Variants in GFPT2 observed in about 807,000 individuals in gnomAD.
GFPT2 encodes glutamine--fructose-6-phosphate transaminase 2, also known as glutamine--fructose-6-phosphate aminotransferase [isomerizing] 2.
In GFPT2, 62 loss-of-function variants were observed where a neutral mutation model predicts 85.6. That is an observed-to-expected ratio of 0.72 (90% confidence interval 0.59 to 0.90). The LOEUF (loss-of-function observed/expected upper bound fraction) is 0.90, where lower values mean the gene tolerates loss of function less well. GFPT2 is among the 40% of genes least tolerant of loss of function. The pLI is 0.00. For missense variants in GFPT2, 788 were observed against 893.4 expected (o/e 0.88, Z 1.50); for synonymous variants, 368 against 344.5 (o/e 1.07, Z -0.75).
intron 16 of GFPT2, among the ~76,000 whole-genome samples, chr5:180,305,966 T>C (rs1763768581): frequency 6.9e-6 from 1 of 144,274 alleles, no homozygotes; most frequent in Non-Finnish European, 1.5e-5. Context: ...TTGTCTTTCT[T>C]TTTTTTTTCT....
At chr5:180,305,249 C>T (rs1262763481) in intron 16 of GFPT2, among the ~76,000 whole-genome samples, 2 of 152,148 alleles carry the variant, frequency 1.3e-5, no homozygotes, top group African/African-American at 4.8e-5. Flanking sequence ...ACAAACAAGT[C>T]GGAGTCAGCC....
chr5:180,324,318 G>T lies in GFPT2; in HGVS notation c.677-13C>A. On this transcript the variant is annotated splice_polypyrimidine_tract_variant and intron_variant, in intron 8 of 18. Coordinates refer to ENST00000253778, the MANE Select transcript of GFPT2 (RefSeq NM_005110.4). ...TTCTCCAGAGTGCCTAGCAAATGGA[G>T]GAATGGGTTGCAAATCCCACTGGGA... 1 of 1,401,180 alleles carries T rather than the reference G, an allele frequency of 7.1e-7. No individual in the cohort carries two copies. The highest frequency in any genetic ancestry group is 1.0e-6 in the Non-Finnish European group (1 of 997,298). 86.8% of individuals were successfully genotyped at this position (1,401,180 alleles called of 1,614,324 possible).
chr5:180,342,918 G>GAAGA lies in GFPT2; in HGVS notation c.8-4322_8-4319dup, dbSNP rs1294642349. On this transcript the variant is annotated intron_variant, in intron 1 of 18. Transcript: ENST00000253778. ...CTCCATCTCAAAAAGAAAAAAAAAG[G>GAAGA]AAGAAAGAAAGAAAGAAAAAAACAA... Among the ~76,000 whole-genome samples, 136 of 151,888 alleles carry GAAGA rather than the reference G, an allele frequency of 9.0e-4. 1 individual carries two copies. The highest frequency in any genetic ancestry group is 3.0e-3 in the African/African-American group (126 of 41,430).
At chr5:180,307,063 G>A in intron 16 of GFPT2, 113 bp downstream of exon 16, 1 of 814,176 alleles carries the variant, frequency 1.2e-6, no homozygotes, top group East Asian at 2.7e-5. Context: ...TGGCCAAGGG[G>A]TCCTTAGGCC....
intron 9 of GFPT2, among the ~76,000 whole-genome samples, chr5:180,321,197 A>G (rs1186438815): frequency 1.3e-5 from 2 of 152,238 alleles, no homozygotes; most frequent in African/African-American, 2.4e-5. Context: ...TTTTGTATAA[A>G]AAGTAGAAAC....
chr5:180,330,895 A>G lies in GFPT2; in HGVS notation c.400-61T>C. 6.7e-7 allele frequency: 1 copy of G among 1,486,846 alleles called. No homozygotes were observed. Among genetic ancestry groups the G allele is most frequent in the East Asian group, 2.3e-5 (1 of 43,722 alleles). The allele number at this position is 1,486,846 out of a possible 1,614,324, so 92.1% of individuals were successfully genotyped here. ...TCATTGCACAATGCCTGCCTGGCCA[A>G]CTCCCTCTCCTCCCTGGTGATCTGC... On this transcript the variant is annotated intron_variant, in intron 5 of 18. Coordinates refer to ENST00000253778, the MANE Select transcript of GFPT2 (RefSeq NM_005110.4). The surrounding 1 kb of genome is among the most constrained non-coding windows in gnomAD (Gnocchi z 4.4).
At chr5:180,302,639 T>C in intron 17 of GFPT2, 55 bp from the exon 18 acceptor site, 1 of 1,384,542 alleles carries the variant, frequency 7.2e-7, no homozygotes, top group South Asian at 1.2e-5. Context: ...AAGCTATCCC[T>C]GATGCATACA....
At chr5:180,340,203 T>C (rs980866589) in intron 1 of GFPT2, among the ~76,000 whole-genome samples, 8 of 151,632 alleles carry the variant, frequency 5.3e-5, no homozygotes, top group African/African-American at 1.7e-4. Context: ...TTTGTTTTTG[T>C]TTTTGTTGTT....
At chr5:180,336,087 G>T in intron 3 of GFPT2, 134 bp from the exon 4 acceptor site, 2 of 799,394 alleles carry the variant, frequency 2.5e-6, no homozygotes, top group Non-Finnish European at 2.0e-6. Flanking sequence ...CCCACCCTGG[G>T]AGTCCGCGCA....
At chr5:180,316,270 AATG>A in intron 13 of GFPT2, 68 bp downstream of exon 13, 1 of 1,525,404 alleles carries the variant, frequency 6.6e-7, no homozygotes. Flanking sequence ...GACTTAACTG[AATG>A]AAGGAGAAGA....
At position 180,328,714 on chromosome 5, in the gene GFPT2, T is replaced by C. The variant is rs1764254532; in HGVS notation, c.535-376A>G. On this transcript the variant is annotated intron_variant, in intron 6 of 18. Coordinates refer to ENST00000253778, the MANE Select transcript of GFPT2 (RefSeq NM_005110.4). The surrounding 1 kb of genome is among the most constrained non-coding windows in gnomAD (Gnocchi z 5.4). ...ACCTACTCAGCAAGCCCCTGTGAAG[T>C]GCACTTTAGCTCAACACACGGTAGG... is the stretch of plus-strand genomic sequence containing the variant. Among the ~76,000 whole-genome samples, 2 of 152,188 alleles carry C rather than the reference T, an allele frequency of 1.3e-5. No individual in the cohort carries two copies. The highest frequency in any genetic ancestry group is 1.3e-4 in the Admixed American group (2 of 15,286).
chr5:180,316,911 A>G (rs1764020745), intron 11 of GFPT2, 50 bp from the exon 12 acceptor site: 4 of 1,562,310 alleles, frequency 2.6e-6, no homozygotes, highest in Non-Finnish European at 3.5e-6. Flanking sequence ...CAGTCACCGC[A>G]TTCCCTGAGA....
At chr5:180,341,236 G>C (rs1327035468) in intron 1 of GFPT2, among the ~76,000 whole-genome samples, 3 of 152,192 alleles carry the variant, frequency 2.0e-5, no homozygotes, top group African/African-American at 7.2e-5. Context: ...TCCCAACTAT[G>C]TTTTGCTGGG....
At chr5:180,302,316 T>A in intron 18 of GFPT2, 107 bp downstream of exon 18, 1 of 783,426 alleles carries the variant, frequency 1.3e-6, no homozygotes. Flanking sequence ...CTACTTTAAA[T>A]AAAATTATTT....
rs1036735838 is a variant in GFPT2 at position 180,301,158 on chromosome 5, C to T, written c.*406G>A. On this transcript the variant is annotated 3_prime_UTR_variant, in exon 19 of 19. Coordinates refer to ENST00000253778, the MANE Select transcript of GFPT2 (RefSeq NM_005110.4). ...GGGTAGCTAGGATGAACAGTTTGGC[C>T]GTTACCACGGCTACAGAAAGCCACA... 6 of 199,714 alleles carry T rather than the reference C, an allele frequency of 3.0e-5. No individual in the cohort carries two copies. Among genetic ancestry groups the T allele is most frequent in the South Asian group, 1.2e-4 (1 of 8,234 alleles). The allele number at this position is 199,714 out of a possible 1,614,324, so 12.4% of individuals were successfully genotyped here.
At chr5:180,325,277 G>A (rs77653949) in intron 7 of GFPT2, among the ~76,000 whole-genome samples, 2,880 of 152,218 alleles carry the variant, frequency 0.019, 76 homozygotes, top group African/African-American at 0.051. Flanking sequence ...ACCCAGCCTC[G>A]ACGGCAGCGC....
chr5:180,335,719 G>A, intron 4 of GFPT2, 109 bp downstream of exon 4: 1 of 1,131,488 alleles, frequency 8.8e-7, no homozygotes, highest in Non-Finnish European at 1.3e-6. Flanking sequence ...AGATGAAGTA[G>A]GCTGAGAAGT....
rs1268289256 is a variant in GFPT2 at position 180,313,882 on chromosome 5, G to A, written c.1356C>T (p.Gly452=). The stretch of plus-strand genomic sequence containing the variant: ...AGTCGGTCTCGCGAGAGATGGAGCT[G>A]CCCACGGTGTTGGTGACGCCCACGG... ...ALTVGVTNTV[G]SSISRETDCG... is the part of the protein sequence containing the mutation. Residue 452 remains glycine, a synonymous_variant, in exon 14 of 19, where the codon GGC becomes GGT. Transcript: ENST00000253778. The A allele has an allele frequency of 6.2e-7, 1 of 1,606,556 alleles. No homozygotes were observed. The highest frequency in any genetic ancestry group is 8.5e-7 in the Non-Finnish European group (1 of 1,179,174).
intron 1 of GFPT2, among the ~76,000 whole-genome samples, chr5:180,350,922 C>A (rs1294153208): frequency 6.6e-6 from 1 of 152,200 alleles, no homozygotes; most frequent in African/African-American, 2.4e-5. Flanking sequence ...GAGGGAACGG[C>A]CCAGGAGATC....
Sources: allele counts gnomAD v4.1 joint callset (sites outside exome capture counted in the v4.1 genomes callset), GRCh38; gene constraint gnomAD v4.1.1; non-coding constraint Gnocchi (gnomAD v3.1); transcripts MANE v1.5; gene names NCBI Gene and HGNC (gene_info 2026-07-23, HGNC 2026-07-21).